Variants in UNC5D observed in about 807,000 individuals in gnomAD.
The protein encoded by UNC5D is unc-5 netrin receptor D.
In UNC5D, 39 loss-of-function variants were observed where a neutral mutation model predicts 105.4. The observed-to-expected ratio is 0.37, with a 90% CI of 0.29 to 0.48. The LOEUF (loss-of-function observed/expected upper bound fraction) is 0.48, where lower values mean the gene tolerates loss of function less well. Ranked by LOEUF, UNC5D falls within the 20% of genes least tolerant of loss-of-function variation. The pLI, the probability that UNC5D is intolerant of heterozygous loss-of-function variation, is 0.98. For synonymous variants in UNC5D, 452 were observed against 450.4 expected, an observed-to-expected ratio of 1.00 and a Z score of -0.04; for missense variants, 991 against 1,202.4, an observed-to-expected ratio of 0.82 and a Z score of 2.60.
At chr8:35,744,498 C>A (rs1829909768) in intron 11 of UNC5D, among the ~76,000 whole-genome samples, 3 of 152,124 alleles carry the variant, frequency 2.0e-5, no homozygotes, top group Admixed American at 2.0e-4. Context: ...AGTTGGTTTT[C>A]TCTTGTGTGG....
At chr8:35,538,876 G>A (rs1815065503) in intron 1 of UNC5D, among the ~76,000 whole-genome samples, 1 of 152,036 alleles carries the variant, frequency 6.6e-6, no homozygotes, top group Admixed American at 6.6e-5. Flanking sequence ...AGTTTGAGGG[G>A]TCTTTAGGAC....
At chr8:35,442,676 G>A (rs1257898919) in intron 1 of UNC5D, among the ~76,000 whole-genome samples, 1 of 151,880 alleles carries the variant, frequency 6.6e-6, no homozygotes, top group South Asian at 2.1e-4. Flanking sequence ...ATTCACCAAT[G>A]AAAATCCATA....
chr8:35,768,990 G>A (rs1393214026), intron 15 of UNC5D, among the ~76,000 whole-genome samples: 2 of 152,058 alleles, frequency 1.3e-5, no homozygotes, highest in Non-Finnish European at 2.9e-5. Flanking sequence ...TTTGGCCCAG[G>A]TTGTCATCTT....
At chr8:35,482,179 C>T (rs1386367460) in intron 1 of UNC5D, among the ~76,000 whole-genome samples, 1 of 152,174 alleles carries the variant, frequency 6.6e-6, no homozygotes, top group East Asian at 1.9e-4. Flanking sequence ...TTAATACCCA[C>T]ATCATATTTC....
At chr8:35,525,696 T>TG (rs1563500047) in intron 1 of UNC5D, 1 of 1,604,656 alleles carries the variant, frequency 6.2e-7, no homozygotes. Flanking sequence ...CTGCAGCCGC[T>TG]GCTCCTGGCA....
intron 3 of UNC5D, among the ~76,000 whole-genome samples, chr8:35,576,323 G>A (rs1334000311): frequency 6.6e-6 from 1 of 152,162 alleles, no homozygotes; most frequent in Non-Finnish European, 1.5e-5. Context: ...TAACTGGCCT[G>A]GAAAAGGTAG....
chr8:35,730,942 G>T, intron 10 of UNC5D, 70 bp from the exon 11 acceptor site: 2 of 1,409,088 alleles, frequency 1.4e-6, no homozygotes, highest in Non-Finnish European at 2.0e-6. Flanking sequence ...TATCTGTAAG[G>T]TGCTCGAGTG....
chr8:35,387,785 G>T (rs1246401888), intron 1 of UNC5D, among the ~76,000 whole-genome samples: 1 of 152,156 alleles, frequency 6.6e-6, no homozygotes, highest in South Asian at 2.1e-4. Flanking sequence ...GAGAGACAGT[G>T]CCTGGGATCC....
chr8:35,510,259 C>A (rs1586011278), intron 1 of UNC5D, among the ~76,000 whole-genome samples: 1 of 150,028 alleles, frequency 6.7e-6, no homozygotes, highest in Admixed American at 6.6e-5. Context: ...GACCAGCCCC[C>A]ACCCTGGAGC....
At chr8:35,323,439 A>G (rs549117758) in intron 1 of UNC5D, among the ~76,000 whole-genome samples, 1 of 152,166 alleles carries the variant, frequency 6.6e-6, no homozygotes, top group Admixed American at 6.5e-5. Flanking sequence ...TGAGTTGCAA[A>G]CTGCCTGGCT....
chr8:35,616,284 T>C (rs933683663), intron 4 of UNC5D, among the ~76,000 whole-genome samples: 4 of 152,224 alleles, frequency 2.6e-5, no homozygotes, highest in African/African-American at 9.6e-5. Flanking sequence ...GCGCTTTATG[T>C]GTCAGATATT....
At chr8:35,670,506 T>C (rs1586383380) in intron 4 of UNC5D, among the ~76,000 whole-genome samples, 1 of 152,138 alleles carries the variant, frequency 6.6e-6, no homozygotes, top group African/African-American at 2.4e-5. Context: ...GGTGCATATA[T>C]ACCATGCAAT....
At chr8:35,661,273 C>T (rs937344111) in intron 4 of UNC5D, among the ~76,000 whole-genome samples, 2 of 152,068 alleles carry the variant, frequency 1.3e-5, no homozygotes, top group African/African-American at 4.8e-5. Context: ...ATACTGGATG[C>T]ATTGCCCATT....
intron 1 of UNC5D, among the ~76,000 whole-genome samples, chr8:35,497,533 C>T (rs1811675686): frequency 6.6e-6 from 1 of 151,706 alleles, no homozygotes; most frequent in African/African-American, 2.4e-5. Flanking sequence ...GCAGGGTTGG[C>T]AACAGCAAGG....
intron 1 of UNC5D, among the ~76,000 whole-genome samples, chr8:35,486,469 T>C (rs1365373727): frequency 6.6e-6 from 1 of 152,202 alleles, no homozygotes; most frequent in Admixed American, 6.5e-5. Context: ...TTCGATCTTT[T>C]CTACTCCATA....
In UNC5D at chr8:35,566,219, T is replaced by C. The variant is rs561710264; in HGVS notation, c.323-1879T>C. Among the ~76,000 whole-genome samples, 4 of 149,966 alleles carry C rather than the reference T, an allele frequency of 2.7e-5. No individual in the cohort carries two copies. In the East Asian group the frequency reaches 7.8e-4, roughly 29 times the overall value. On this transcript the variant is annotated intron_variant, in intron 2 of 16. Coordinates refer to ENST00000404895, the MANE Select transcript of UNC5D (RefSeq NM_080872.4). ...TAGAAAGTATACCTCAAACTGCACA[T>C]GGTGACTTATGTGGCCATGACCATC...
chr8:35,636,391 G>T (rs529351638), intron 4 of UNC5D, among the ~76,000 whole-genome samples: 5 of 152,240 alleles, frequency 3.3e-5, no homozygotes, highest in Admixed American at 2.0e-4. Context: ...TGTCCCGGAG[G>T]CTATCCTGTG....
At chr8:35,680,789 AATTT>A (rs1360600437) in intron 4 of UNC5D, among the ~76,000 whole-genome samples, 1 of 152,136 alleles carries the variant, frequency 6.6e-6, no homozygotes, top group African/African-American at 2.4e-5. Flanking sequence ...TGGTGTGAAT[AATTT>A]ATTTATGGGT....
chr8:35,732,424 G>GTGTC (rs1388417556), intron 11 of UNC5D, among the ~76,000 whole-genome samples: 1 of 152,084 alleles, frequency 6.6e-6, no homozygotes, highest in Non-Finnish European at 1.5e-5. Context: ...AAAAGTGCTG[G>GTGTC]TGTCTAAATA....
Sources: gnomAD v4.1 joint callset for allele counts (sites outside exome capture counted in the v4.1 genomes callset) on GRCh38, gnomAD v4.1.1 for gene constraint, MANE v1.5 for transcripts, NCBI Gene and HGNC (gene_info 2026-07-23, HGNC 2026-07-21) for gene names.